GNG2: variants seen among roughly 807,000 people sequenced by gnomAD.
The protein encoded by GNG2 is guanine nucleotide-binding protein G(I)/G(S)/G(O) subunit gamma-2.
Under a neutral mutation model 5.5 loss-of-function variants are expected in GNG2, and 5 were observed. That is an observed-to-expected ratio of 0.91 (90% confidence interval 0.48 to 1.92). The LOEUF (loss-of-function observed/expected upper bound fraction) is 1.92, where lower values mean the gene tolerates loss of function less well. Among genes scored for constraint, GNG2 ranks in the 30% most tolerant of loss-of-function variants. GNG2 has a pLI of 0.01. For synonymous variants in GNG2, 28 were observed against 32.0 expected (o/e 0.88, Z 0.42); for missense variants, 55 against 88.4 (o/e 0.62, Z 1.52).
At chr14:51,838,390 G>A (rs1023883939) in intron 2 of GNG2, among the ~76,000 whole-genome samples, 17 of 152,064 alleles carry the variant, frequency 1.1e-4, no homozygotes, top group African/African-American at 4.1e-4. Context: ...GTTGCAATGA[G>A]CCGAGATTGC....
intron 2 of GNG2, among the ~76,000 whole-genome samples, chr14:51,884,227 G>GA (rs996323372): frequency 6.6e-6 from 1 of 151,974 alleles, no homozygotes; most frequent in African/African-American, 2.4e-5. Context: ...AAAACTGAAA[G>GA]AAAAAAAATG....
At chr14:51,910,756 A>G (rs1886242167) in intron 2 of GNG2, among the ~76,000 whole-genome samples, 1 of 152,224 alleles carries the variant, frequency 6.6e-6, no homozygotes, top group Non-Finnish European at 1.5e-5. Flanking sequence ...ACAAAAGTCC[A>G]TGTCTTGTTC....
At chr14:51,917,217 A>G in intron 2 of GNG2, 1 of 372,292 alleles carries the variant, frequency 2.7e-6, no homozygotes. Context: ...TCATAGTGAA[A>G]AGTCCCCAAA....
intron 2 of GNG2, among the ~76,000 whole-genome samples, chr14:51,880,967 G>GAAAAAAAAAAAAAA (rs11463019): frequency 0.012 from 1,270 of 101,638 alleles, no homozygotes; most frequent in Non-Finnish European, 0.016. Flanking sequence ...CAAAAAAAAA[G>GAAAAAAAAAAAAAA]AAAAAAAAAA....
intron 2 of GNG2, among the ~76,000 whole-genome samples, chr14:51,883,349 C>A (rs1301207900): frequency 6.6e-6 from 1 of 152,214 alleles, no homozygotes; most frequent in Non-Finnish European, 1.5e-5. Context: ...CCATTTACAT[C>A]ATTTTTAAAA....
chr14:51,965,678 G>T (rs980200173), intron 3 of GNG2, among the ~76,000 whole-genome samples: 1 of 152,166 alleles, frequency 6.6e-6, no homozygotes, highest in Non-Finnish European at 1.5e-5. Flanking sequence ...TATATAGTGT[G>T]TGTATACATA....
chr14:51,862,995 T>TTC (rs1323927767), intron 1 of GNG2, among the ~76,000 whole-genome samples: 9 of 151,900 alleles, frequency 5.9e-5, no homozygotes, highest in Admixed American at 1.3e-4. Context: ...TTTTTTTTTT[T>TTC]TTTTCTGCCA....
At chr14:51,966,101 T>A (rs1889876557) in intron 3 of GNG2, among the ~76,000 whole-genome samples, 1 of 145,824 alleles carries the variant, frequency 6.9e-6, no homozygotes, top group Non-Finnish European at 1.5e-5. Context: ...TCCCAGCTAC[T>A]AGGGTGGCTG....
intron 2 of GNG2, among the ~76,000 whole-genome samples, chr14:51,920,729 T>C (rs1171092790): frequency 1.3e-5 from 2 of 152,368 alleles, no homozygotes; most frequent in African/African-American, 2.4e-5. Context: ...TTTCATTCTA[T>C]GTAGGCAGTG....
chr14:51,910,750 A>C (rs1472099240), intron 2 of GNG2, among the ~76,000 whole-genome samples: 1 of 152,206 alleles, frequency 6.6e-6, no homozygotes, highest in East Asian at 1.9e-4. Flanking sequence ...ATTTCAACAA[A>C]AGTCCATGTC....
chr14:51,937,472 C>T (rs1393042267), intron 2 of GNG2, among the ~76,000 whole-genome samples: 2 of 151,984 alleles, frequency 1.3e-5, no homozygotes, highest in Non-Finnish European at 2.9e-5. Context: ...GTAAGCACTC[C>T]AAGGTGGGAA....
At chr14:51,888,384 T>C (rs1884608716) in intron 2 of GNG2, among the ~76,000 whole-genome samples, 2 of 152,130 alleles carry the variant, frequency 1.3e-5, no homozygotes, top group South Asian at 2.1e-4. Flanking sequence ...AGTGACATGA[T>C]CATAGCTCAC....
chr14:51,839,890 T>C (rs1337807539), intron 2 of GNG2, among the ~76,000 whole-genome samples: 1 of 152,232 alleles, frequency 6.6e-6, no homozygotes, highest in Admixed American at 6.5e-5. Context: ...TGCAGAACCA[T>C]GTCTAACTTC....
At chr14:51,926,573 A>G (rs1026999695) in intron 2 of GNG2, among the ~76,000 whole-genome samples, 5 of 152,184 alleles carry the variant, frequency 3.3e-5, no homozygotes, top group African/African-American at 1.2e-4. Context: ...TGAGACAGCC[A>G]AGCATAAAGA....
chr14:51,835,477 G>A (rs1407555176), intron 2 of GNG2, among the ~76,000 whole-genome samples: 3 of 152,130 alleles, frequency 2.0e-5, no homozygotes, highest in African/African-American at 7.2e-5. Context: ...TTCCCCAGTT[G>A]CCTCTCCCCA....
rs532652809 is a variant in GNG2 at position 51,943,954 on chromosome 14, T to C, written c.-29-6696T>C. ...AGAAAAATCTGTCTTAAAATTCATA[T>C]AGATTCTCAAAGAACCCCAAATAGC... On this transcript the variant is annotated intron_variant, in intron 2 of 3. Transcript: ENST00000556766. 2.6e-5 allele frequency among the ~76,000 whole-genome samples: 4 copies of C among 152,344 alleles called. 1 individual carries two copies. The highest frequency in any genetic ancestry group is 9.6e-5 in the African/African-American group (4 of 41,572).
At chr14:51,960,724 A>G (rs1475128682) in intron 3 of GNG2, among the ~76,000 whole-genome samples, 1 of 152,158 alleles carries the variant, frequency 6.6e-6, no homozygotes, top group Non-Finnish European at 1.5e-5. Flanking sequence ...TTCAACTTTG[A>G]TAGGTGGGTC....
intron 2 of GNG2, among the ~76,000 whole-genome samples, chr14:51,906,046 G>A (rs1159946165): frequency 1.3e-5 from 2 of 152,196 alleles, no homozygotes; most frequent in East Asian, 1.9e-4. Context: ...GTACAACAGA[G>A]AACTGAAACA....
intron 2 of GNG2, among the ~76,000 whole-genome samples, chr14:51,835,572 C>T (rs1881307814): frequency 6.6e-6 from 1 of 152,194 alleles, no homozygotes; most frequent in East Asian, 1.9e-4. Flanking sequence ...CTAACCCACT[C>T]CTGAATCCCA....
Sources: allele counts gnomAD v4.1 joint callset (sites outside exome capture counted in the v4.1 genomes callset), GRCh38; gene constraint gnomAD v4.1.1; transcripts MANE v1.5; gene names NCBI Gene and HGNC (gene_info 2026-07-23, HGNC 2026-07-21).